The following THAP10 variants were observed in gnomAD, a reference collection of about 807,000 sequenced individuals.
The protein encoded by THAP10 is THAP domain-containing protein 10.
THAP10 carries 10 observed loss-of-function variants against 15.7 expected under a neutral mutation model. That is an observed-to-expected ratio of 0.64 (90% CI 0.39 to 1.08). The LOEUF is 1.08. Among genes scored for constraint, THAP10 ranks in the 50% least tolerant of loss-of-function variants. THAP10 has a pLI of 0.01. For synonymous variants in THAP10, 127 were observed against 129.1 expected, an observed-to-expected ratio of 0.98 and a Z score of 0.11; for missense variants, 310 against 330.9, an observed-to-expected ratio of 0.94 and a Z score of 0.49.
At position 70,892,295 on chromosome 15, in the gene THAP10, G is replaced by A. The variant is rs1223629991; in HGVS notation, c.-23C>T. On this transcript the variant is annotated 5_prime_UTR_variant, in exon 1 of 3. Coordinates refer to ENST00000249861, the MANE Select transcript of THAP10 (RefSeq NM_020147.4). ...CATGGCGGCCGTCTTCGGTGCGCGG[G>A]AGCCGGGTTCCCTGGACCTTCGCCC... 9.0e-6 allele frequency: 14 copies of A among 1,551,974 alleles called. No homozygotes were observed. Among genetic ancestry groups the A allele is most frequent in the Non-Finnish European group, 1.1e-5 (13 of 1,147,524 alleles).
intron 1 of THAP10, among the ~76,000 whole-genome samples, chr15:70,887,451 C>G (rs1042876340): frequency 6.6e-6 from 1 of 152,042 alleles, no homozygotes; most frequent in African/African-American, 2.4e-5. Context: ...TTTAGCCATG[C>G]AAGTTTGACT....
rs201730851 is a variant in THAP10, at chr15:70,892,152, G to C, written c.121C>G (p.Arg41Gly). The change falls in exon 1 of 3, where the codon CGC (arginine) becomes GGC (glycine). Residue 41 changes from arginine to glycine, a missense_variant. By Grantham distance (125) the Arg-to-Gly change is moderately radical. Transcript: ENST00000249861. ...TCATTGCCTCCGTACCAGTCGGCGC[G>C]GCAACCCCGCACGAAGCGGTCCCAG... ...LLWDRFVRGC[R>G]ADWYGGNDRS... 3.1e-6 allele frequency: 5 copies of C among 1,613,134 alleles called. No individual in the cohort carries two copies. Among genetic ancestry groups the C allele is most frequent in the Middle Eastern group, 3.3e-4 (2 of 6,060 alleles).
At chr15:70,887,590 A>C (rs1268631816) in intron 1 of THAP10, among the ~76,000 whole-genome samples, 1 of 151,974 alleles carries the variant, frequency 6.6e-6, no homozygotes, top group Non-Finnish European at 1.5e-5. Context: ...ATAAAGGGGA[A>C]CATTTCTTTT....
Position 70,882,147 on chromosome 15 carries a change from A to C in THAP10, c.*307T>G. ...CGTTGCTTCTGAACTAAGCTTAAAC[A>C]AATATTCAATGCTTAATTTTGATTA... On this transcript the variant is annotated 3_prime_UTR_variant, in exon 3 of 3. Coordinates refer to ENST00000249861, the MANE Select transcript of THAP10 (RefSeq NM_020147.4). 1 of 250,054 alleles carries C rather than the reference A, an allele frequency of 4.0e-6. No homozygotes were observed. Among genetic ancestry groups the C allele is most frequent in the Non-Finnish European group, 7.6e-6 (1 of 130,802 alleles). The allele number at this position is 250,054 out of a possible 1,614,324, so 15.5% of individuals were successfully genotyped here.
At chr15:70,891,704 C>A in intron 1 of THAP10, 140 bp downstream of exon 1, 1 of 730,346 alleles carries the variant, frequency 1.4e-6, no homozygotes, top group Admixed American at 3.0e-5. Flanking sequence ...TTGGAGATCA[C>A]CTCTAAAGCA....
intron 1 of THAP10, among the ~76,000 whole-genome samples, chr15:70,884,303 C>T (rs1488879519): frequency 1.3e-5 from 2 of 152,056 alleles, no homozygotes; most frequent in African/African-American, 4.8e-5. Flanking sequence ...GAGGCTGAGG[C>T]AGGAAGATCA....
chr15:70,891,622 T>TGTGTGTGTGTGTGTGTGTGTGTG (rs1464799124), intron 1 of THAP10, among the ~76,000 whole-genome samples: 1 of 140,992 alleles, frequency 7.1e-6, no homozygotes, highest in Non-Finnish European at 1.5e-5. Context: ...TGTGTGTGAG[T>TGTGTGTGTGTGTGTGTGTGTGTG]TTTGGGGGAG....
Position 70,882,664 on chromosome 15 carries a change from A to T in THAP10, c.578-14T>A. ...TGGCTTGAATACCTGAAAGAGAATA[A>T]GCATAAGTACCTATGAGTTAGACTT... is the stretch of plus-strand genomic sequence containing the variant. On this transcript the variant is annotated splice_polypyrimidine_tract_variant and intron_variant, in intron 2 of 2. Coordinates refer to ENST00000249861, the MANE Select transcript of THAP10 (RefSeq NM_020147.4). The T allele has an allele frequency of 3.7e-6, 6 of 1,613,116 alleles. No individual in the cohort carries two copies. The highest frequency in any genetic ancestry group is 5.1e-6 in the Non-Finnish European group (6 of 1,179,352).
At chr15:70,883,801 C>A (rs182600797) in intron 1 of THAP10, among the ~76,000 whole-genome samples, 16 of 151,898 alleles carry the variant, frequency 1.1e-4, no homozygotes, top group African/African-American at 3.9e-4. Flanking sequence ...ATTACAGGTG[C>A]CTGCCACCAT....
In THAP10 at chr15:70,891,981, T is replaced by G. The variant is rs1337102721; in HGVS notation, c.292A>C (p.Lys98Gln). 2.5e-6 allele frequency: 4 copies of G among 1,613,300 alleles called. No individual in the cohort carries two copies. Among genetic ancestry groups the G allele is most frequent in the Non-Finnish European group, 3.4e-6 (4 of 1,179,782 alleles). ...TLHRVPAPAP[K>Q]RGEEGDQAGR... ...GCTTGGTCTCCCTCCTCTCCCCTCT[T>G]AGGTGCCGGGGCGGGCACCCGGTGC... Residue 98 changes from lysine (K) to glutamine (Q), a missense_variant, in exon 1 of 3, where the codon AAG becomes CAG. Lys to Gln is a moderately conservative substitution (Grantham distance 53). Transcript: ENST00000249861.
chr15:70,889,064 TACTATG>T (rs1412120853), intron 1 of THAP10, among the ~76,000 whole-genome samples: 1 of 152,206 alleles, frequency 6.6e-6, no homozygotes, highest in African/African-American at 2.4e-5. Context: ...TTTAATGTAA[TACTATG>T]ACCCAGCAAT....
Position 70,882,604 on chromosome 15 carries a change from T to G in THAP10, c.624A>C (p.Ala208=), listed in dbSNP as rs375372043. ...VKAFGKRLCN[A]TTQTEELWSR... is the part of the protein sequence containing the mutation. Reference sequence around the variant, plus strand: ...ACCACAATTCCTCTGTCTGAGTAGTTGCATTACACAGTCTTTTTCCAAACG... The same window carrying G: ...ACCACAATTCCTCTGTCTGAGTAGTGGCATTACACAGTCTTTTTCCAAACG... The change falls in exon 3 of 3, where the codon GCA becomes GCC. Residue 208 remains alanine, a synonymous_variant. Transcript: ENST00000249861. The G allele has an allele frequency of 1.6e-5, 26 of 1,613,986 alleles. No individual in the cohort carries two copies. The highest frequency in any genetic ancestry group is 2.0e-5 in the Non-Finnish European group (24 of 1,179,974).
Position 70,892,175 on chromosome 15 carries a change from C to A in THAP10, c.98G>T (p.Trp33Leu). 6.2e-7 allele frequency: 1 copy of A among 1,611,232 alleles called. No homozygotes were observed. The highest frequency in any genetic ancestry group is 8.5e-7 in the Non-Finnish European group (1 of 1,178,926). Residue 33 changes from tryptophan (W) to leucine (L), a missense_variant, in exon 1 of 3, where the codon TGG becomes TTG. Physicochemically the swap from Trp to Leu is moderately conservative, Grantham distance 61. Coordinates refer to ENST00000249861, the MANE Select transcript of THAP10 (RefSeq NM_020147.4). The part of the protein sequence containing the change: ...FPKDRAVRLL[W>L]DRFVRGCRAD... Reference sequence around the variant, plus strand: ...GCGGCAACCCCGCACGAAGCGGTCCCAGAGCAGCCGCACGGCCCGGTCCTT... The same window carrying A: ...GCGGCAACCCCGCACGAAGCGGTCCAAGAGCAGCCGCACGGCCCGGTCCTT...
intron 1 of THAP10, 24 bp downstream of exon 1, chr15:70,891,820 C>T (rs1181553828): frequency 2.0e-6 from 3 of 1,527,026 alleles, no homozygotes; most frequent in Middle Eastern, 2.0e-4. Flanking sequence ...GGTCCTTACA[C>T]AACCTTCGGT....
chr15:70,892,373 C>G lies in THAP10; in HGVS notation c.-101G>C. 1.3e-6 allele frequency: 2 copies of G among 1,546,906 alleles called. No homozygotes were observed. Among genetic ancestry groups the G allele is most frequent in the Non-Finnish European group, 8.7e-7 (1 of 1,146,728 alleles). On this transcript the variant is annotated 5_prime_UTR_variant, in exon 1 of 3. Coordinates refer to ENST00000249861, the MANE Select transcript of THAP10 (RefSeq NM_020147.4). ...GCGAGGCAAGTCCTCCCCTCCTCACCTGTCCACTCCGGGTCGGGATTGTTT... is the reference window on the plus strand; with the variant it reads ...GCGAGGCAAGTCCTCCCCTCCTCACGTGTCCACTCCGGGTCGGGATTGTTT...
At chr15:70,891,779 A>G in intron 1 of THAP10, 65 bp downstream of exon 1, 2 of 1,399,272 alleles carry the variant, frequency 1.4e-6, no homozygotes, top group Non-Finnish European at 1.9e-6. Context: ...CCAAGGTGAC[A>G]CTAAGTGGAG....
intron 1 of THAP10, among the ~76,000 whole-genome samples, chr15:70,886,433 ACTT>A (rs1345527328): frequency 2.0e-5 from 3 of 152,328 alleles, no homozygotes; most frequent in African/African-American, 7.2e-5. Context: ...ATATAATTTA[ACTT>A]CTTAAGAAGT....
In THAP10 at chr15:70,891,549, A is replaced by G. The variant is rs767176433; in HGVS notation, c.429+295T>C. ...GAGCAGCGAGTGAAAGCAACTCACT[A>G]CTCTGCAGGACAAGACTCTGTGTGT... On this transcript the variant is annotated intron_variant, in intron 1 of 2. Coordinates refer to ENST00000249861, the MANE Select transcript of THAP10 (RefSeq NM_020147.4). Among the ~76,000 whole-genome samples, 18 of 143,730 alleles carry G rather than the reference A, an allele frequency of 1.3e-4. 1 individual carries two copies. The highest frequency in any genetic ancestry group is 5.0e-4 in the Admixed American group (7 of 13,958). The allele number at this position is 143,730 out of a possible 152,430, so 94.3% of individuals were successfully genotyped here. A position where few individuals can be genotyped will look rare whatever the true frequency, so the allele number is the denominator to read the frequency against.
At position 70,892,171 on chromosome 15, in the gene THAP10, G is replaced by A. The variant is rs1795088028; in HGVS notation, c.102C>T (p.Asp34=). Residue 34 remains aspartate, a synonymous_variant, in exon 1 of 3, where the codon GAC becomes GAT. Coordinates refer to ENST00000249861, the MANE Select transcript of THAP10 (RefSeq NM_020147.4). ...PKDRAVRLLW[D]RFVRGCRADW... ...CGGCGCGGCAACCCCGCACGAAGCG[G>A]TCCCAGAGCAGCCGCACGGCCCGGT... 5.6e-6 allele frequency: 9 copies of A among 1,611,838 alleles called. No individual in the cohort carries two copies. Among genetic ancestry groups the A allele is most frequent in the Non-Finnish European group, 6.8e-6 (8 of 1,179,148 alleles).
Sources: gnomAD v4.1 joint callset for allele counts (sites outside exome capture counted in the v4.1 genomes callset) on GRCh38, gnomAD v4.1.1 for gene constraint, MANE v1.5 for transcripts, NCBI Gene and HGNC (gene_info 2026-07-23, HGNC 2026-07-21) for gene names.